Variants in NCOA2 observed in about 807,000 individuals in gnomAD.
NCOA2 encodes the protein nuclear receptor coactivator 2, also known as class E basic helix-loop-helix protein 75.
In NCOA2, 21 loss-of-function variants were observed where a neutral mutation model predicts 145.1. The ratio of observed to expected loss-of-function variants is 0.14; its 90% CI spans 0.10 to 0.21. NCOA2 has a LOEUF of 0.21. NCOA2 is among the 10% of genes least tolerant of loss of function. The pLI is 1.00. For synonymous variants in NCOA2, 619 were observed against 637.5 expected (o/e 0.97, Z 0.44); for missense variants, 1,472 against 1,837.6 (o/e 0.80, Z 3.64).
chr8:70,322,339 A>T (rs1806153842), intron 1 of NCOA2, among the ~76,000 whole-genome samples: 1 of 152,170 alleles, frequency 6.6e-6, no homozygotes, highest in African/African-American at 2.4e-5. Context: ...TATGATAAAT[A>T]TTTACTGATA....
chr8:70,128,403 T>C (rs776912445), intron 18 of NCOA2, 30 bp downstream of exon 18: 1 of 1,587,390 alleles, frequency 6.3e-7, no homozygotes, highest in South Asian at 1.1e-5. Flanking sequence ...ATGCATACAA[T>C]GAAAGCTAAT....
intron 4 of NCOA2, among the ~76,000 whole-genome samples, chr8:70,180,278 G>C (rs892497997): frequency 6.6e-6 from 1 of 152,228 alleles, no homozygotes; most frequent in African/African-American, 2.4e-5. Flanking sequence ...AACCTGATTG[G>C]AGAGATCATC....
rs552641413 is a variant in NCOA2, at chr8:70,120,717, T to C, written c.4383+585A>G. On this transcript the variant is annotated intron_variant, in intron 22 of 22. Coordinates refer to ENST00000452400, the MANE Select transcript of NCOA2 (RefSeq NM_006540.4). ...GCCTGGGCAACAAAGCAAGACACTG[T>C]CTCAAAAAAACAAAACAAAACAAAA... Among the ~76,000 whole-genome samples the C allele has an allele frequency of 8.4e-4, 128 of 151,888 alleles. 1 individual carries two copies. Among genetic ancestry groups the C allele is most frequent in the African/African-American group, 3.0e-3 (124 of 41,420 alleles).
At chr8:70,187,581 A>G (rs1190303229) in intron 4 of NCOA2, among the ~76,000 whole-genome samples, 1 of 152,202 alleles carries the variant, frequency 6.6e-6, no homozygotes, top group Non-Finnish European at 1.5e-5. Context: ...ATGGCTATGG[A>G]TGGATAAGTC....
At chr8:70,195,808 G>C (rs1725876783) in intron 4 of NCOA2, among the ~76,000 whole-genome samples, 1 of 152,126 alleles carries the variant, frequency 6.6e-6, no homozygotes, top group South Asian at 2.1e-4. Flanking sequence ...CCCAATAGCT[G>C]CTTCACCACA....
At chr8:70,393,955 CAT>C (rs373185381) in intron 1 of NCOA2, among the ~76,000 whole-genome samples, 322 of 152,218 alleles carry the variant, frequency 2.1e-3, no homozygotes, top group African/African-American at 7.3e-3. Context: ...GCGAATATGT[CAT>C]TTTTTGGTAT....
the NCOA2 span, among the ~76,000 whole-genome samples, chr8:70,410,940 G>A: frequency 6.6e-6 from 1 of 152,078 alleles, no homozygotes; most frequent in South Asian, 2.1e-4. Context: ...ATTTTGGAGG[G>A]ATGAAGAAAT....
At chr8:70,446,786 A>G in the NCOA2 span, among the ~76,000 whole-genome samples, 1 of 152,188 alleles carries the variant, frequency 6.6e-6, no homozygotes, top group African/African-American at 2.4e-5. Context: ...GAGAAGGATT[A>G]AAAAGAAAGA....
chr8:70,253,025 GTTTA>G (rs1187404872), intron 2 of NCOA2, among the ~76,000 whole-genome samples: 1 of 152,168 alleles, frequency 6.6e-6, no homozygotes, highest in Non-Finnish European at 1.5e-5. Flanking sequence ...TTTGAATGAG[GTTTA>G]TTTCTTTCAC....
chr8:70,315,651 A>C (rs1285670520), intron 1 of NCOA2, among the ~76,000 whole-genome samples: 1 of 152,240 alleles, frequency 6.6e-6, no homozygotes, highest in African/African-American at 2.4e-5. Flanking sequence ...GAATAAAGGA[A>C]AAGAAAGCCA....
chr8:70,318,279 C>T (rs557701155), intron 1 of NCOA2, among the ~76,000 whole-genome samples: 7 of 152,362 alleles, frequency 4.6e-5, no homozygotes, highest in South Asian at 2.1e-4. Flanking sequence ...TTCCAAAATA[C>T]GCCTTTCTGG....
chr8:70,143,036 G>A (rs1461135805), intron 13 of NCOA2, among the ~76,000 whole-genome samples: 1 of 150,086 alleles, frequency 6.7e-6, no homozygotes, highest in East Asian at 2.0e-4. Flanking sequence ...TACAACCTCC[G>A]CCTCCTGGGT....
chr8:70,434,116 A>C, the NCOA2 span, among the ~76,000 whole-genome samples: 11 of 152,238 alleles, frequency 7.2e-5, no homozygotes, highest in East Asian at 2.1e-3. Flanking sequence ...GAAGATTAAA[A>C]GAGAGAACTC....
chr8:70,203,485 C>T (rs981748676), intron 4 of NCOA2, among the ~76,000 whole-genome samples: 1 of 151,580 alleles, frequency 6.6e-6, no homozygotes, highest in Non-Finnish European at 1.5e-5. Flanking sequence ...ATGTACTTTA[C>T]TATAATCCCA....
rs547538771 is a variant in NCOA2, at chr8:70,230,432, C to T, written c.-19-13668G>A. Among the ~76,000 whole-genome samples the T allele has an allele frequency of 2.0e-5, 3 of 152,244 alleles. No individual in the cohort carries two copies. The East Asian group carries it at 5.8e-4, about 29-fold the overall frequency. Reference sequence around the variant, plus strand: ...GCACAACTTGCAAATAAACTGAATACTCCTGAATTGTACACTTTAAAAAGG... The same window carrying T: ...GCACAACTTGCAAATAAACTGAATATTCCTGAATTGTACACTTTAAAAAGG... On this transcript the variant is annotated intron_variant, in intron 2 of 22. Coordinates refer to ENST00000452400, the MANE Select transcript of NCOA2 (RefSeq NM_006540.4).
chr8:70,126,377 C>T (rs192669182), intron 19 of NCOA2, among the ~76,000 whole-genome samples: 46 of 152,224 alleles, frequency 3.0e-4, no homozygotes, highest in East Asian at 1.9e-3. Flanking sequence ...TTTCAAAAGT[C>T]GCAGAATGTC....
At chr8:70,341,607 T>C (rs1354403473) in intron 1 of NCOA2, among the ~76,000 whole-genome samples, 1 of 152,200 alleles carries the variant, frequency 6.6e-6, no homozygotes, top group Non-Finnish European at 1.5e-5. Context: ...GCAACTTAAT[T>C]GCTTTGTTAA....
At chr8:70,281,586 C>T (rs1825888190) in intron 2 of NCOA2, among the ~76,000 whole-genome samples, 1 of 151,958 alleles carries the variant, frequency 6.6e-6, no homozygotes, top group Non-Finnish European at 1.5e-5. Flanking sequence ...AACTCATCAC[C>T]CCCCACCTCT....
At chr8:70,183,177 A>C (rs192934074) in intron 4 of NCOA2, among the ~76,000 whole-genome samples, 99 of 152,352 alleles carry the variant, frequency 6.5e-4, no homozygotes, top group African/African-American at 2.3e-3. Context: ...ATTTGCTTAG[A>C]AAGTTGAAAG....
Sources: allele counts gnomAD v4.1 joint callset (sites outside exome capture counted in the v4.1 genomes callset), GRCh38; gene constraint gnomAD v4.1.1; transcripts MANE v1.5; gene names NCBI Gene and HGNC (gene_info 2026-07-23, HGNC 2026-07-21).